ZNF428: variants seen among roughly 807,000 people sequenced by gnomAD.
ZNF428 encodes the protein zinc finger protein 428, also known as enzyme-like protein PIT13.
A neutral mutation model predicts 15.6 loss-of-function variants in ZNF428; 5 were observed. That is an observed-to-expected ratio of 0.32 (90% CI 0.17 to 0.67). The LOEUF (loss-of-function observed/expected upper bound fraction) is 0.67, where lower values mean the gene tolerates loss of function less well. Among genes scored for constraint, ZNF428 ranks in the 30% least tolerant of loss-of-function variants. The pLI, the probability that ZNF428 is intolerant of heterozygous loss-of-function variation, is 0.73. For missense variants in ZNF428, 237 were observed against 256.0 expected (o/e 0.93, Z 0.51); for synonymous variants, 97 against 102.2 (o/e 0.95, Z 0.31).
Position 43,612,156 on chromosome 19 carries a change from T to G in ZNF428, c.76+2073A>C, listed in dbSNP as rs1973304286. 1.9e-6 allele frequency: 3 copies of G among 1,551,708 alleles called. No individual in the cohort carries two copies. Among genetic ancestry groups the G allele is most frequent in the Non-Finnish European group, 2.6e-6 (3 of 1,146,990 alleles). On this transcript the variant is annotated intron_variant, in intron 2 of 2. Coordinates refer to ENST00000300811, the MANE Select transcript of ZNF428 (RefSeq NM_182498.4). This position sits in a 1 kb window ranked among gnomAD's most constrained non-coding sequence, Gnocchi z 4.2. ...CCTAAGAGATCTTCAAAGCCCAGTA[T>G]GTCTCTGGCACCCAGTGGATCCTCC... is the stretch of plus-strand genomic sequence containing the variant.
chr19:43,608,219 G>A lies in ZNF428; in HGVS notation c.77-112C>T, dbSNP rs912087707. 14 of 1,410,662 alleles carry A rather than the reference G, an allele frequency of 9.9e-6. No homozygotes were observed. In the Admixed American group the frequency reaches 3.0e-4, roughly 31 times the overall value. The allele number at this position is 1,410,662 out of a possible 1,614,324, so 87.4% of individuals were successfully genotyped here. On this transcript the variant is annotated intron_variant, in intron 2 of 2. Coordinates refer to ENST00000300811, the MANE Select transcript of ZNF428 (RefSeq NM_182498.4). ...GACTTGCCATAGTATGACAAGGATA[G>A]CCTAGACACTACCCTTCCCTTCCCC...
Position 43,609,527 on chromosome 19 carries a change from T to G in ZNF428, c.77-1420A>C, listed in dbSNP as rs563866481. Among the ~76,000 whole-genome samples, 15 of 152,102 alleles carry G rather than the reference T, an allele frequency of 9.9e-5. No individual in the cohort carries two copies. In the South Asian group the frequency reaches 3.1e-3, roughly 32 times the overall value. On this transcript the variant is annotated intron_variant, in intron 2 of 2. Coordinates refer to ENST00000300811, the MANE Select transcript of ZNF428 (RefSeq NM_182498.4). Reference sequence around the variant, plus strand: ...GCTGAGGTGGGCGGATTGCCTGAACTCAGGAGTTCATGACCCACTCTGGGC... The same window carrying G: ...GCTGAGGTGGGCGGATTGCCTGAACGCAGGAGTTCATGACCCACTCTGGGC...
chr19:43,613,207 A>G, intron 2 of ZNF428: 1 of 1,551,594 alleles, frequency 6.4e-7, no homozygotes, highest in South Asian at 1.2e-5. Flanking sequence ...CCAGCAAGGA[A>G]AGAAGTCATA....
At chr19:43,613,436 C>T (rs1411475829) in intron 2 of ZNF428, 4 of 1,544,196 alleles carry the variant, frequency 2.6e-6, no homozygotes, top group South Asian at 1.2e-5. Context: ...AGATTGCAGC[C>T]GATCTAGAAG....
At chr19:43,613,861 G>T in intron 2 of ZNF428, 1 of 1,550,890 alleles carries the variant, frequency 6.4e-7, no homozygotes, top group Non-Finnish European at 8.7e-7. Flanking sequence ...AGGAGAGAGA[G>T]CGCAGACAAT....
Position 43,607,326 on chromosome 19 carries a change from T to A in ZNF428, c.*291A>T, listed in dbSNP as rs536010412. Reference sequence around the variant, plus strand: ...ATACAAGCACGCAGTAAATGTTATCTTTCCCAAAAGACCCCAAGGTTCCCC... The same window carrying A: ...ATACAAGCACGCAGTAAATGTTATCATTCCCAAAAGACCCCAAGGTTCCCC... On this transcript the variant is annotated 3_prime_UTR_variant, in exon 3 of 3. Transcript: ENST00000300811. This position sits in a 1 kb window ranked among gnomAD's most constrained non-coding sequence, Gnocchi z 5.1. 2.6e-6 allele frequency: 1 copy of A among 387,078 alleles called. No homozygotes were observed. Among genetic ancestry groups the A allele is most frequent in the East Asian group, 4.1e-5 (1 of 24,464 alleles). 24.0% of individuals were successfully genotyped at this position (387,078 alleles called of 1,614,324 possible). A position where few individuals can be genotyped will look rare whatever the true frequency, so the allele number is the denominator to read the frequency against.
chr19:43,610,365 A>C (rs1015765760), intron 2 of ZNF428, among the ~76,000 whole-genome samples: 3 of 151,606 alleles, frequency 2.0e-5, no homozygotes, highest in African/African-American at 7.3e-5. Flanking sequence ...ATGCCCAGGT[A>C]ATTTTTGTAT....
In ZNF428 at chr19:43,611,703, A is replaced by G. The variant is rs4600569; in HGVS notation, c.76+2526T>C. On this transcript the variant is annotated intron_variant, in intron 2 of 2. Coordinates refer to ENST00000300811, the MANE Select transcript of ZNF428 (RefSeq NM_182498.4). ...CACCTCCTCTGTGAAGTCCTCGCTG[A>G]CTCCCCAAGCGGTCAGTGTCTCTCT... Among the ~76,000 whole-genome samples the G allele has an allele frequency of 7.9e-3, 1,198 of 151,576 alleles. 20 individuals are homozygous for G. Among genetic ancestry groups the G allele is most frequent in the African/African-American group, 0.027 (1,126 of 41,268 alleles).
intron 1 of ZNF428, among the ~76,000 whole-genome samples, chr19:43,618,946 G>A (rs1324307265): frequency 2.0e-5 from 3 of 152,048 alleles, no homozygotes; most frequent in Admixed American, 2.0e-4. Flanking sequence ...ACGTCAGGTA[G>A]GGCCATCCCT....
intron 1 of ZNF428, among the ~76,000 whole-genome samples, chr19:43,615,751 G>T (rs1329459854): frequency 1.3e-5 from 2 of 152,092 alleles, no homozygotes; most frequent in African/African-American, 4.8e-5. Flanking sequence ...TGCTTACTTA[G>T]ATTTACTGGT....
Position 43,612,663 on chromosome 19 carries a change from G to A in ZNF428, c.76+1566C>T, listed in dbSNP as rs1173267508. 2 of 1,551,470 alleles carry A rather than the reference G, an allele frequency of 1.3e-6. No homozygotes were observed. Among genetic ancestry groups the A allele is most frequent in the Admixed American group, 2.0e-5 (1 of 51,008 alleles). Reference sequence around the variant, plus strand: ...TACGGCCGGCCTAGAACCAGCAACAGGGAAAGGAGTGACAGCCAGCCTAGA... The same window carrying A: ...TACGGCCGGCCTAGAACCAGCAACAAGGAAAGGAGTGACAGCCAGCCTAGA... On this transcript the variant is annotated intron_variant, in intron 2 of 2. Transcript: ENST00000300811. The surrounding 1 kb of genome is among the most constrained non-coding windows in gnomAD (Gnocchi z 4.2).
At chr19:43,613,493 G>A (rs1294038890) in intron 2 of ZNF428, 2 of 1,545,624 alleles carry the variant, frequency 1.3e-6, no homozygotes, top group Non-Finnish European at 1.7e-6. Flanking sequence ...TCCCAACAAG[G>A]CAAGAGATCA....
In ZNF428 at chr19:43,611,979, T is replaced by C. The variant is rs747214989; in HGVS notation, c.76+2250A>G. On this transcript the variant is annotated intron_variant, in intron 2 of 2. Coordinates refer to ENST00000300811, the MANE Select transcript of ZNF428 (RefSeq NM_182498.4). ...CTCTCTCCTCCCACCTCTGACTTCA[T>C]ACCACTCACCCTCCAGAGTCTTCAA... 183 of 667,788 alleles carry C rather than the reference T, an allele frequency of 2.7e-4. 1 individual carries two copies. The highest frequency in any genetic ancestry group is 4.0e-4 in the Non-Finnish European group (151 of 379,654). The allele number at this position is 667,788 out of a possible 1,614,324, so 41.4% of individuals were successfully genotyped here.
rs1158845661 is a variant in ZNF428 at position 43,612,057 on chromosome 19, C to A, written c.76+2172G>T. 3 of 1,253,902 alleles carry A rather than the reference C, an allele frequency of 2.4e-6. No individual in the cohort carries two copies. The highest frequency in any genetic ancestry group is 4.1e-5 in the Admixed American group (2 of 48,228). 77.7% of individuals were successfully genotyped at this position (1,253,902 alleles called of 1,614,324 possible). A position where few individuals can be genotyped will look rare whatever the true frequency, so the allele number is the denominator to read the frequency against. On this transcript the variant is annotated intron_variant, in intron 2 of 2. Coordinates refer to ENST00000300811, the MANE Select transcript of ZNF428 (RefSeq NM_182498.4). The surrounding 1 kb of genome is among the most constrained non-coding windows in gnomAD (Gnocchi z 4.2). ...CTGTGACAGGCAATCAGGTCATCGT[C>A]CACGGCTACCAGGTGTTTCATGTCT...
intron 2 of ZNF428, among the ~76,000 whole-genome samples, chr19:43,609,375 A>T (rs1421617107): frequency 6.6e-6 from 1 of 151,644 alleles, no homozygotes; most frequent in Non-Finnish European, 1.5e-5. Context: ...AGAGAGAGAG[A>T]GAGTTAGGTG....
At position 43,612,807 on chromosome 19, in the gene ZNF428, A is replaced by G; in HGVS notation, c.76+1422T>C. 1 of 1,551,606 alleles carries G rather than the reference A, an allele frequency of 6.4e-7. No individual in the cohort carries two copies. Among genetic ancestry groups the G allele is most frequent in the Non-Finnish European group, 8.7e-7 (1 of 1,146,952 alleles). On this transcript the variant is annotated intron_variant, in intron 2 of 2. Coordinates refer to ENST00000300811, the MANE Select transcript of ZNF428 (RefSeq NM_182498.4). This position sits in a 1 kb window ranked among gnomAD's most constrained non-coding sequence, Gnocchi z 4.2. ...ACCCCGACTGGAATTCCCTCCAAGG[A>G]GAAGAGTGACAACCCATCTCCATCC...
intron 2 of ZNF428, chr19:43,613,718 C>G: frequency 6.4e-7 from 1 of 1,551,158 alleles, no homozygotes; most frequent in Non-Finnish European, 8.7e-7. Flanking sequence ...GGAGAGACAG[C>G]GCAGACAATC....
intron 2 of ZNF428, chr19:43,613,054 T>C (rs762477253): frequency 7.4e-5 from 115 of 1,551,178 alleles, no homozygotes; most frequent in Middle Eastern, 1.7e-4. Context: ...AGAGAAACCA[T>C]AGCAGGGCAA....
chr19:43,607,535 G>T lies in ZNF428; in HGVS notation c.*82C>A. On this transcript the variant is annotated 3_prime_UTR_variant, in exon 3 of 3. Transcript: ENST00000300811. This position sits in a 1 kb window ranked among gnomAD's most constrained non-coding sequence, Gnocchi z 5.1. Reference sequence around the variant, plus strand: ...AGACCGGCAGTACCCCATCCCCCATGACCACTGTCACAACCCCAATTTCCT... The same window carrying T: ...AGACCGGCAGTACCCCATCCCCCATTACCACTGTCACAACCCCAATTTCCT... The T allele has an allele frequency of 1.4e-6, 2 of 1,466,104 alleles. No individual in the cohort carries two copies. Among genetic ancestry groups the T allele is most frequent in the Non-Finnish European group, 1.8e-6 (2 of 1,099,152 alleles). The allele number at this position is 1,466,104 out of a possible 1,614,324, so 90.8% of individuals were successfully genotyped here.
Sources: allele counts gnomAD v4.1 joint callset (sites outside exome capture counted in the v4.1 genomes callset), GRCh38; gene constraint gnomAD v4.1.1; non-coding constraint Gnocchi (gnomAD v3.1); transcripts MANE v1.5; gene names NCBI Gene and HGNC (gene_info 2026-07-23, HGNC 2026-07-21).